TAMM41: variants seen among roughly 807,000 people sequenced by gnomAD.
TAMM41 encodes the protein TAM41 mitochondrial translocator assembly and maintenance homolog.
TAMM41 carries 36 observed loss-of-function variants against 44.1 expected under a neutral mutation model. That is an observed-to-expected ratio of 0.82 (90% CI 0.63 to 1.08). TAMM41 has a LOEUF of 1.08. Among genes scored for constraint, TAMM41 ranks in the 50% least tolerant of loss-of-function variants. The pLI is 0.00. For synonymous variants in TAMM41, 164 were observed against 153.1 expected, an observed-to-expected ratio of 1.07 and a Z score of -0.53; for missense variants, 417 against 404.3, an observed-to-expected ratio of 1.03 and a Z score of -0.27.
At chr3:11,824,200 T>C (rs2078648324) in intron 4 of TAMM41, among the ~76,000 whole-genome samples, 1 of 146,948 alleles carries the variant, frequency 6.8e-6, no homozygotes, top group African/African-American at 2.5e-5. Context: ...TTTGTAAATA[T>C]TTTTTTTTTA....
chr3:11,744,495 G>T, the TAMM41 span, among the ~76,000 whole-genome samples: 1 of 151,882 alleles, frequency 6.6e-6, no homozygotes, highest in African/African-American at 2.4e-5. Flanking sequence ...AGGAGTTTGA[G>T]ACCAGCCTGG....
At chr3:11,815,455 T>C (rs1179310539) in intron 5 of TAMM41, among the ~76,000 whole-genome samples, 1 of 152,166 alleles carries the variant, frequency 6.6e-6, no homozygotes, top group African/African-American at 2.4e-5. Context: ...AGTTTGAGGA[T>C]GACTGACCTA....
the TAMM41 span, among the ~76,000 whole-genome samples, chr3:11,734,302 G>A: frequency 6.6e-6 from 1 of 152,164 alleles, no homozygotes. Flanking sequence ...AATTATCCTT[G>A]GGGCAGAACC....
chr3:11,809,797 T>TG, intron 5 of TAMM41, 115 bp from the exon 6 acceptor site: 1 of 1,038,026 alleles, frequency 9.6e-7, no homozygotes, highest in East Asian at 2.5e-5. Flanking sequence ...CCCACACCCC[T>TG]GGCGAGGCAG....
In TAMM41 at chr3:11,790,592, A is replaced by G; in HGVS notation, c.938-11T>C. On this transcript the variant is annotated splice_polypyrimidine_tract_variant and intron_variant, in intron 7 of 7. Coordinates refer to ENST00000455809, the MANE Select transcript of TAMM41 (RefSeq NM_001284401.2). Reference sequence around the variant, plus strand: ...CTGACTTCTTCAGGCCTAAAAGAGAAAAGATGAGAAAGTAAGAAGATGGAG... The same window carrying G: ...CTGACTTCTTCAGGCCTAAAAGAGAGAAGATGAGAAAGTAAGAAGATGGAG... The G allele has an allele frequency of 6.2e-7, 1 of 1,607,022 alleles. No individual in the cohort carries two copies. Among genetic ancestry groups the G allele is most frequent in the African/African-American group, 1.3e-5 (1 of 74,852 alleles).
At chr3:11,794,067 G>A (rs1024198835) in intron 7 of TAMM41, among the ~76,000 whole-genome samples, 6 of 152,052 alleles carry the variant, frequency 3.9e-5, no homozygotes, top group African/African-American at 1.5e-4. Flanking sequence ...TACTGGTACA[G>A]ATAACAGCTA....
At chr3:11,845,029 C>A (rs1419232649) in intron 1 of TAMM41, 1 of 455,738 alleles carries the variant, frequency 2.2e-6, no homozygotes. Context: ...GGGTAGGGAG[C>A]CGTGTTGGAG....
intron 1 of TAMM41, among the ~76,000 whole-genome samples, chr3:11,845,517 A>G (rs1196082333): frequency 6.6e-6 from 1 of 152,202 alleles, no homozygotes; most frequent in Non-Finnish European, 1.5e-5. Flanking sequence ...TTTGGTGGCG[A>G]GGCAGGTATG....
chr3:11,821,755 G>T (rs1359009904), intron 4 of TAMM41, among the ~76,000 whole-genome samples: 1 of 152,188 alleles, frequency 6.6e-6, no homozygotes, highest in Non-Finnish European at 1.5e-5. Context: ...CGAATTGCAA[G>T]ACTGCTGTCA....
intron 7 of TAMM41, among the ~76,000 whole-genome samples, chr3:11,805,008 T>TG (rs1559275857): frequency 7.2e-6 from 1 of 139,542 alleles, no homozygotes; most frequent in African/African-American, 2.7e-5. Flanking sequence ...TTTTTTTTTT[T>TG]TTTTTTTTTT....
chr3:11,768,619 C>A, the TAMM41 span, among the ~76,000 whole-genome samples: 4 of 152,168 alleles, frequency 2.6e-5, no homozygotes, highest in Non-Finnish European at 4.4e-5. Context: ...AAGGAGAAAC[C>A]AGTTAGTTGA....
chr3:11,742,605 T>C, the TAMM41 span, among the ~76,000 whole-genome samples: 2 of 148,904 alleles, frequency 1.3e-5, no homozygotes, highest in Non-Finnish European at 2.9e-5. Context: ...TTTTTTTTTT[T>C]CCTGAGACAG....
chr3:11,787,338 C>G (rs764423649), downstream of TAMM41, among the ~76,000 whole-genome samples: 4 of 152,132 alleles, frequency 2.6e-5, no homozygotes, highest in Admixed American at 2.0e-4. Flanking sequence ...ATTTTGAAAC[C>G]GCTACAGGGA....
the TAMM41 span, among the ~76,000 whole-genome samples, chr3:11,750,021 CG>C: frequency 6.6e-6 from 1 of 151,714 alleles, no homozygotes; most frequent in Non-Finnish European, 1.5e-5. Flanking sequence ...CTCAGCCTCC[CG>C]AGTAGCTGGG....
chr3:11,757,513 A>G, the TAMM41 span, among the ~76,000 whole-genome samples: 2 of 152,174 alleles, frequency 1.3e-5, no homozygotes, highest in South Asian at 2.1e-4. Context: ...AAAGATGATT[A>G]GCAGCCCACG....
intron 7 of TAMM41, among the ~76,000 whole-genome samples, chr3:11,791,608 A>G (rs1273112775): frequency 2.6e-5 from 4 of 152,050 alleles, no homozygotes. Flanking sequence ...CACTTTGGTG[A>G]GCATGCCGAC....
chr3:11,736,913 C>A, the TAMM41 span, among the ~76,000 whole-genome samples: 14,652 of 152,144 alleles, frequency 0.096, 970 homozygotes, highest in South Asian at 0.13. Flanking sequence ...CAACTGGATG[C>A]ACCTGCCCAG....
At chr3:11,808,071 G>A in intron 6 of TAMM41, 176 bp from the exon 7 acceptor site, 2 of 1,288,256 alleles carry the variant, frequency 1.6e-6, no homozygotes, top group Non-Finnish European at 2.1e-6. Flanking sequence ...TGAGGGCCAG[G>A]AGACCAGAGC....
At chr3:11,770,038 G>C in the TAMM41 span, among the ~76,000 whole-genome samples, 4 of 152,232 alleles carry the variant, frequency 2.6e-5, no homozygotes, top group African/African-American at 7.2e-5. Flanking sequence ...CATTTGGTCT[G>C]CGATGTAAGA....
Sources: gnomAD v4.1 joint callset for allele counts (sites outside exome capture counted in the v4.1 genomes callset) on GRCh38, gnomAD v4.1.1 for gene constraint, MANE v1.5 for transcripts, NCBI Gene and HGNC (gene_info 2026-07-23, HGNC 2026-07-21) for gene names.